The following CERS6 variants were observed in gnomAD, a reference collection of about 807,000 sequenced individuals.
CERS6 encodes the protein LAG1 homolog, ceramide synthase 6.
CERS6 carries 26 observed loss-of-function variants against 56.8 expected under a neutral mutation model. That is an observed-to-expected ratio of 0.46 (90% CI 0.34 to 0.63). The LOEUF (loss-of-function observed/expected upper bound fraction) is 0.63, where lower values mean the gene tolerates loss of function less well. Ranked by LOEUF, CERS6 falls within the 30% of genes least tolerant of loss-of-function variation. The pLI is 0.01. For synonymous variants in CERS6, 164 were observed against 173.3 expected (o/e 0.95, Z 0.42); for missense variants, 415 against 467.5 (o/e 0.89, Z 1.04).
chr2:168,535,131 A>T (rs1695237044), intron 1 of CERS6, among the ~76,000 whole-genome samples: 1 of 152,126 alleles, frequency 6.6e-6, no homozygotes, highest in Admixed American at 6.5e-5. Context: ...CTGCCCAGGG[A>T]GCTTAGCATG....
At chr2:168,696,670 C>A (rs1030253719) in intron 6 of CERS6, among the ~76,000 whole-genome samples, 1 of 152,186 alleles carries the variant, frequency 6.6e-6, no homozygotes. Flanking sequence ...TCATAGATGA[C>A]AACCTTCTCA....
At chr2:168,647,512 C>A (rs1289563707) in intron 4 of CERS6, among the ~76,000 whole-genome samples, 1 of 152,084 alleles carries the variant, frequency 6.6e-6, no homozygotes, top group Admixed American at 6.6e-5. Flanking sequence ...TTATTTATTT[C>A]TTTTGTCTGA....
chr2:168,575,355 A>G (rs1459975260), intron 3 of CERS6, among the ~76,000 whole-genome samples: 1 of 152,102 alleles, frequency 6.6e-6, no homozygotes, highest in African/African-American at 2.4e-5. Context: ...GAAACTTACA[A>G]TCATGGCAGA....
chr2:168,630,020 G>C (rs1310375327), intron 3 of CERS6, among the ~76,000 whole-genome samples: 2 of 151,926 alleles, frequency 1.3e-5, no homozygotes, highest in Non-Finnish European at 2.9e-5. Context: ...ATTTCACCGT[G>C]TTAACCAGGA....
rs185432337 is a variant in CERS6, at chr2:168,648,854, T to C, written c.465+17812T>C. Among the ~76,000 whole-genome samples, 8 of 152,326 alleles carry C rather than the reference T, an allele frequency of 5.3e-5. No individual in the cohort carries two copies. The East Asian group carries it at 9.6e-4, about 18-fold the overall frequency. On this transcript the variant is annotated intron_variant, in intron 4 of 9. Coordinates refer to ENST00000305747, the MANE Select transcript of CERS6 (RefSeq NM_203463.3). ...TTTATTGCACTGTGGTCCGAGCTTA[T>C]GTTTGGTATGATTTTGGTTCTTTTG... is the stretch of plus-strand genomic sequence containing the variant.
intron 8 of CERS6, among the ~76,000 whole-genome samples, chr2:168,747,463 A>G (rs2105440150): frequency 6.6e-6 from 1 of 152,266 alleles, no homozygotes; most frequent in Non-Finnish European, 1.5e-5. Flanking sequence ...GCATTCTTGA[A>G]CTTAAATCTT....
At chr2:168,546,033 C>T (rs773975772) in intron 1 of CERS6, among the ~76,000 whole-genome samples, 5 of 152,160 alleles carry the variant, frequency 3.3e-5, no homozygotes, top group East Asian at 3.8e-4. Context: ...CTTTTCACCC[C>T]GCTCTGTTGT....
chr2:168,499,736 A>G (rs940734553), intron 1 of CERS6, among the ~76,000 whole-genome samples: 2 of 152,134 alleles, frequency 1.3e-5, no homozygotes, highest in Non-Finnish European at 2.9e-5. Context: ...TGGTGCTGCA[A>G]TACGTTTTGT....
chr2:168,744,149 G>A (rs1007281671), intron 8 of CERS6, among the ~76,000 whole-genome samples: 1 of 151,262 alleles, frequency 6.6e-6, no homozygotes, highest in Non-Finnish European at 1.5e-5. Context: ...GGGACTACAG[G>A]CACCCACCAC....
At chr2:168,515,491 G>GA (rs1353880385) in intron 1 of CERS6, among the ~76,000 whole-genome samples, 1 of 152,182 alleles carries the variant, frequency 6.6e-6, no homozygotes, top group East Asian at 1.9e-4. Flanking sequence ...ACCAAGTGGG[G>GA]AGGGGAATTG....
intron 1 of CERS6, among the ~76,000 whole-genome samples, chr2:168,520,598 CTTTTTTTTTTTTTTT>C (rs150724635): frequency 1.7e-5 from 1 of 57,860 alleles, no homozygotes; most frequent in Non-Finnish European, 3.2e-5. Flanking sequence ...TTACAATATC[CTTTTTTTTTTTTTTT>C]TTTTTTTTTT....
chr2:168,542,339 A>G (rs1005063144), intron 1 of CERS6, among the ~76,000 whole-genome samples: 2 of 152,238 alleles, frequency 1.3e-5, no homozygotes. Context: ...ATAAATTTCT[A>G]GTATGGTATC....
At chr2:168,501,821 C>T (rs557595966) in intron 1 of CERS6, among the ~76,000 whole-genome samples, 3 of 152,210 alleles carry the variant, frequency 2.0e-5, no homozygotes, top group Non-Finnish European at 4.4e-5. Context: ...ACGAGTTCCC[C>T]TATCACTGCA....
At chr2:168,483,533 C>G (rs1390751142) in intron 1 of CERS6, among the ~76,000 whole-genome samples, 1 of 152,114 alleles carries the variant, frequency 6.6e-6, no homozygotes, top group Non-Finnish European at 1.5e-5. Flanking sequence ...AAATATGTGT[C>G]TTTTTCCTGA....
intron 3 of CERS6, among the ~76,000 whole-genome samples, chr2:168,573,036 A>G (rs536853329): frequency 6.6e-6 from 1 of 152,228 alleles, no homozygotes; most frequent in Admixed American, 6.5e-5. Context: ...GAGGCAGGAA[A>G]GGGTTTCTGG....
At chr2:168,495,085 C>T (rs1694442099) in intron 1 of CERS6, among the ~76,000 whole-genome samples, 1 of 152,068 alleles carries the variant, frequency 6.6e-6, no homozygotes, top group African/African-American at 2.4e-5. Flanking sequence ...CATAGTTTGG[C>T]CCATGGGATG....
intron 4 of CERS6, among the ~76,000 whole-genome samples, chr2:168,640,166 G>A (rs533665627): frequency 3.9e-5 from 6 of 152,306 alleles, no homozygotes; most frequent in African/African-American, 1.4e-4. Flanking sequence ...TGCTGGCAAT[G>A]TTCTCGATAT....
At chr2:168,657,333 A>G (rs904984714) in intron 4 of CERS6, among the ~76,000 whole-genome samples, 1 of 152,242 alleles carries the variant, frequency 6.6e-6, no homozygotes, top group East Asian at 1.9e-4. Flanking sequence ...AGATATAAAG[A>G]CTCTCCACGT....
chr2:168,712,886 AAGCCTGCCCTGGTCT>A (rs1417083140), intron 6 of CERS6, among the ~76,000 whole-genome samples: 5 of 152,102 alleles, frequency 3.3e-5, no homozygotes, highest in Admixed American at 2.0e-4. Flanking sequence ...CTTCTTAGAG[AAGCCTGCCCTGGTCT>A]AGCCCCTCTG....
Sources: allele counts gnomAD v4.1 joint callset (sites outside exome capture counted in the v4.1 genomes callset), GRCh38; gene constraint gnomAD v4.1.1; transcripts MANE v1.5; gene names NCBI Gene and HGNC (gene_info 2026-07-23, HGNC 2026-07-21).